EP400: variants seen among roughly 807,000 people sequenced by gnomAD.
EP400 encodes E1A binding protein p400.
A neutral mutation model predicts 354.1 loss-of-function variants in EP400; 105 were observed. That is an observed-to-expected ratio of 0.30 (90% CI 0.25 to 0.35). The LOEUF is 0.35. EP400 is among the 10% of genes least tolerant of loss of function. EP400 has a pLI of 1.00. For missense variants in EP400, 3,280 were observed against 4,121.0 expected (o/e 0.80, Z 5.59); for synonymous variants, 1,646 against 1,716.9 (o/e 0.96, Z 1.02).
chr12:132,025,634 C>T lies in EP400; in HGVS notation c.4856-12C>T. The T allele has an allele frequency of 6.3e-7, 1 of 1,589,838 alleles. No homozygotes were observed. The highest frequency in any genetic ancestry group is 1.1e-5 in the South Asian group (1 of 87,950). ...TGCCTGTCATTGACACCTAGTGGAC[C>T]TATGATTGCAGGCAGCGTCCTCCAG... is the stretch of plus-strand genomic sequence containing the variant. On this transcript the variant is annotated splice_polypyrimidine_tract_variant and intron_variant, in intron 24 of 52. Transcript: ENST00000389561. The surrounding 1 kb of genome is among the most constrained non-coding windows in gnomAD (Gnocchi z 4.1).
Position 132,032,142 on chromosome 12 carries a change from A to T in EP400, c.5944A>T (p.Ile1982Leu). 6.2e-7 allele frequency: 1 copy of T among 1,613,128 alleles called. No homozygotes were observed. Among genetic ancestry groups the T allele is most frequent in the Non-Finnish European group, 8.5e-7 (1 of 1,179,396 alleles). The change falls in exon 30 of 53, where the codon ATA (isoleucine) becomes TTA (leucine). Residue 1982 changes from isoleucine (I) to leucine (L), a missense_variant. This residue lies in a region of EP400 where 459 missense variants were observed against 496.9 expected (regional missense o/e 0.92). Transcript: ENST00000389561. The part of the protein sequence containing the change: ...DRIGRCKDIH[I>L]YRLVSGNSIE... The stretch of plus-strand genomic sequence containing the variant: ...GATCGGGAGATGCAAAGACATCCAC[A>T]TATACAGGTGAGGGCCTGCGGGGGA...
chr12:132,063,415 C>T (rs1895772772), intron 47 of EP400, among the ~76,000 whole-genome samples: 1 of 152,022 alleles, frequency 6.6e-6, no homozygotes, highest in African/African-American at 2.4e-5. Flanking sequence ...GCCCAAGAAT[C>T]GCTTGAACCT....
At chr12:132,020,286 T>C in intron 22 of EP400, 68 bp downstream of exon 22, 1 of 1,482,480 alleles carries the variant, frequency 6.7e-7, no homozygotes, top group South Asian at 1.4e-5. Flanking sequence ...CATGGCACTT[T>C]CTTCTCGCGC....
chr12:131,953,796 C>G (rs959689981), intron 1 of EP400, among the ~76,000 whole-genome samples: 1 of 152,028 alleles, frequency 6.6e-6, no homozygotes, highest in South Asian at 2.1e-4. Context: ...TGAAAAATTT[C>G]AAAGATACAC....
intron 2 of EP400, among the ~76,000 whole-genome samples, chr12:131,975,216 G>A (rs555887237): frequency 2.0e-5 from 3 of 152,218 alleles, no homozygotes; most frequent in Non-Finnish European, 4.4e-5. Context: ...TCAACAGGGC[G>A]CACAGTCCTC....
chr12:132,041,163 C>T (rs1894891252), intron 32 of EP400, among the ~76,000 whole-genome samples: 1 of 152,248 alleles, frequency 6.6e-6, no homozygotes, highest in African/African-American at 2.4e-5. Flanking sequence ...GCGTGCTGTA[C>T]TCGTACCTGC....
In EP400 at chr12:132,035,332, A is replaced by G. The variant is rs77640284; in HGVS notation, c.5952-2350A>G. 2.0e-3 allele frequency among the ~76,000 whole-genome samples: 300 copies of G among 152,312 alleles called. 1 individual carries two copies. Among genetic ancestry groups the G allele is most frequent in the African/African-American group, 5.5e-3 (230 of 41,550 alleles). On this transcript the variant is annotated intron_variant, in intron 30 of 52. Transcript: ENST00000389561. ...GTGTGTCGCAGCTTTGTCACATGGC[A>G]CAAAGCAGTCACTGGGGCACAGCCA... is the stretch of plus-strand genomic sequence containing the variant.
chr12:132,043,810 A>C, intron 34 of EP400, 82 bp downstream of exon 34: 1 of 1,280,310 alleles, frequency 7.8e-7, no homozygotes, highest in Non-Finnish European at 1.1e-6. Flanking sequence ...ATGTGACTTC[A>C]TTAAATTAAA....
chr12:132,048,177 A>G (rs1054665185), intron 39 of EP400, among the ~76,000 whole-genome samples: 1 of 152,218 alleles, frequency 6.6e-6, no homozygotes, highest in Non-Finnish European at 1.5e-5. Flanking sequence ...GAGGCGACAT[A>G]CATCCCCCTC....
Position 132,020,096 on chromosome 12 carries a change from T to A in EP400, c.4325T>A (p.Val1442Glu). ...QYGQKPEGRT[V>E]AFPSTHPPRT... Reference sequence around the variant, plus strand: ...GGCCAGAAGCCCGAGGGTCGCACCGTGGCTTTCCCCAGCACTCACCCGCCC... The same window carrying A: ...GGCCAGAAGCCCGAGGGTCGCACCGAGGCTTTCCCCAGCACTCACCCGCCC... The change falls in exon 22 of 53, where the codon GTG (valine) becomes GAG (glutamate). Residue 1442 changes from valine (V) to glutamate (E), a missense_variant. Val to Glu is a moderately radical substitution (Grantham distance 121). This residue lies in a region of EP400 where 342 missense variants were observed against 342.7 expected (regional missense o/e 1.00). Transcript: ENST00000389561. 6.2e-7 allele frequency: 1 copy of A among 1,603,740 alleles called. No homozygotes were observed.
Position 132,052,996 on chromosome 12 carries a change from TG to T in EP400, c.7395-149del. On this transcript the variant is annotated intron_variant, in intron 41 of 52. Coordinates refer to ENST00000389561, the MANE Select transcript of EP400 (RefSeq NM_015409.5). This position sits in a 1 kb window ranked among gnomAD's most constrained non-coding sequence, Gnocchi z 4.4. Reference sequence around the variant, plus strand: ...ATGAGGTCTAGGTGGCTCGATCTCCTGCAGGGCACATTGGGCACCTTGCTTT... The same window carrying T: ...ATGAGGTCTAGGTGGCTCGATCTCCTCAGGGCACATTGGGCACCTTGCTTT... The T allele has an allele frequency of 1.3e-6, 1 of 764,074 alleles. No individual in the cohort carries two copies. The highest frequency in any genetic ancestry group is 1.6e-5 in the South Asian group (1 of 62,360). The allele number at this position is 764,074 out of a possible 1,614,324, so 47.3% of individuals were successfully genotyped here.
intron 2 of EP400, among the ~76,000 whole-genome samples, chr12:131,972,824 C>T (rs1027876210): frequency 1.1e-4 from 17 of 150,786 alleles, no homozygotes; most frequent in Admixed American, 6.6e-4. Context: ...CTCTGCCTCC[C>T]AGGCTCAAAC....
Position 132,016,009 on chromosome 12 carries a change from G to A in EP400, c.3924-1526G>A, listed in dbSNP as rs191711560. Among the ~76,000 whole-genome samples, 400 of 152,254 alleles carry A rather than the reference G, an allele frequency of 2.6e-3. 4 individuals are homozygous for A. The highest frequency in any genetic ancestry group is 9.2e-3 in the African/African-American group (383 of 41,534). On this transcript the variant is annotated intron_variant, in intron 19 of 52. Coordinates refer to ENST00000389561, the MANE Select transcript of EP400 (RefSeq NM_015409.5). ...GCCCAGACCCCCCTGTGCTTGTGCC[G>A]GCCTCTCCTGGTTCCTGTTAGCCAG...
intron 47 of EP400, among the ~76,000 whole-genome samples, chr12:132,063,374 G>C (rs532483104): frequency 1.3e-5 from 2 of 152,154 alleles, no homozygotes; most frequent in African/African-American, 4.8e-5. Flanking sequence ...TTAGCCGGAC[G>C]TGGTGGCGGG....
At chr12:132,031,717 A>G (rs7964823) in intron 29 of EP400, among the ~76,000 whole-genome samples, 151,891 of 152,184 alleles carry the variant, frequency 1, 75,799 homozygotes, top group Middle Eastern at 1. Flanking sequence ...CACCACGCCC[A>G]GCTAATTTTT....
intron 45 of EP400, among the ~76,000 whole-genome samples, chr12:132,059,596 A>G (rs1418303833): frequency 6.6e-6 from 1 of 152,270 alleles, no homozygotes; most frequent in Non-Finnish European, 1.5e-5. Context: ...AGTACAATAC[A>G]ATAGAATACA....
At chr12:131,977,312 T>A (rs978003617) in intron 2 of EP400, among the ~76,000 whole-genome samples, 39 of 151,424 alleles carry the variant, frequency 2.6e-4, no homozygotes, top group African/African-American at 9.2e-4. Context: ...AATTTTTTTT[T>A]TTTTTTGTAT....
Position 131,961,803 on chromosome 12 carries a change from A to C in EP400, c.1184A>C (p.His395Pro). The change falls in exon 2 of 53, where the codon CAC becomes CCC. Residue 395 changes from histidine (H) to proline (P), a missense_variant. Around this residue, in one of 20 missense-constraint regions of EP400, gnomAD observed 85 missense variants for 180.3 expected, o/e 0.47. Coordinates refer to ENST00000389561, the MANE Select transcript of EP400 (RefSeq NM_015409.5). The part of the protein sequence containing the change: ...EYLIELFFLQ[H>P]FQGNMMDFLA... ...TTGATTGAACTGTTTTTCTTGCAACACTTTCAAGGGAACATGATGGATTTC... is the reference window on the plus strand; with the variant it reads ...TTGATTGAACTGTTTTTCTTGCAACCCTTTCAAGGGAACATGATGGATTTC... 6.2e-7 allele frequency: 1 copy of C among 1,614,256 alleles called. No homozygotes were observed. The highest frequency in any genetic ancestry group is 8.5e-7 in the Non-Finnish European group (1 of 1,180,048).
intron 2 of EP400, among the ~76,000 whole-genome samples, chr12:131,979,342 T>G (rs1208868946): frequency 6.6e-6 from 1 of 152,238 alleles, no homozygotes; most frequent in East Asian, 1.9e-4. Flanking sequence ...TGCTGGGCAG[T>G]GTGACTGATG....
Sources: allele counts gnomAD v4.1 joint callset (sites outside exome capture counted in the v4.1 genomes callset), GRCh38; gene constraint gnomAD v4.1.1; regional missense constraint gnomAD v4.1.1; non-coding constraint Gnocchi (gnomAD v3.1); transcripts MANE v1.5; gene names NCBI Gene and HGNC (gene_info 2026-07-23, HGNC 2026-07-21).